ASIC2: variants seen among roughly 807,000 people sequenced by gnomAD.
ASIC2 encodes the protein acid-sensing ion channel 2.
ASIC2 carries 25 observed loss-of-function variants against 57.3 expected under a neutral mutation model. The observed-to-expected ratio is 0.44, with a 90% CI of 0.32 to 0.61. ASIC2 has a LOEUF of 0.61. Ranked by LOEUF, ASIC2 falls within the 20% of genes least tolerant of loss-of-function variation. ASIC2 has a pLI of 0.06. For missense variants in ASIC2, 641 were observed against 738.1 expected (o/e 0.87, Z 1.52); for synonymous variants, 319 against 307.5 (o/e 1.04, Z -0.39).
chr17:34,039,705 C>T, intron 1 of ASIC2: 4 of 1,612,464 alleles, frequency 2.5e-6, no homozygotes, highest in East Asian at 2.2e-5. Context: ...GGTCATTCTG[C>T]TTTTTCTTGG....
chr17:33,943,170 C>T (rs1181083595), intron 1 of ASIC2, among the ~76,000 whole-genome samples: 2 of 152,160 alleles, frequency 1.3e-5, no homozygotes, highest in Non-Finnish European at 2.9e-5. Flanking sequence ...GCCTTTTATT[C>T]TTTTATTATC....
intron 1 of ASIC2, among the ~76,000 whole-genome samples, chr17:33,606,239 A>G (rs1905230017): frequency 6.6e-6 from 1 of 152,210 alleles, no homozygotes; most frequent in Non-Finnish European, 1.5e-5. Context: ...TCGAGATGCC[A>G]GGAGGACAAT....
chr17:33,439,140 G>A (rs976289429), intron 1 of ASIC2, among the ~76,000 whole-genome samples: 3 of 152,114 alleles, frequency 2.0e-5, no homozygotes, highest in South Asian at 2.1e-4. Context: ...CATCACACCC[G>A]GCCAATGGTG....
chr17:33,521,187 C>A (rs535340336), intron 1 of ASIC2, among the ~76,000 whole-genome samples: 2 of 152,056 alleles, frequency 1.3e-5, no homozygotes, highest in East Asian at 3.9e-4. Context: ...TTGCCTCTTG[C>A]GGGAGAAGTA....
intron 1 of ASIC2, among the ~76,000 whole-genome samples, chr17:33,652,731 C>T (rs1371283197): frequency 6.6e-6 from 1 of 152,218 alleles, no homozygotes; most frequent in African/African-American, 2.4e-5. Flanking sequence ...GACCGTTCTT[C>T]CTGTCTCAGG....
chr17:33,448,547 C>T (rs1245812863), intron 1 of ASIC2, among the ~76,000 whole-genome samples: 2 of 152,130 alleles, frequency 1.3e-5, no homozygotes, highest in African/African-American at 4.8e-5. Context: ...GAGGCAGATA[C>T]TGGAGTGATG....
At chr17:33,205,822 T>C (rs1459228489) in intron 1 of ASIC2, among the ~76,000 whole-genome samples, 1 of 152,200 alleles carries the variant, frequency 6.6e-6, no homozygotes, top group Non-Finnish European at 1.5e-5. Context: ...TGGCATACGG[T>C]TCCCATGCTG....
chr17:34,077,085 G>C (rs1249279057), intron 1 of ASIC2, among the ~76,000 whole-genome samples: 1 of 152,220 alleles, frequency 6.6e-6, no homozygotes, highest in Admixed American at 6.5e-5. Context: ...ATGGTCCTGT[G>C]AGTAAGGGAG....
At chr17:33,691,954 A>C (rs984580039) in intron 1 of ASIC2, among the ~76,000 whole-genome samples, 2 of 152,238 alleles carry the variant, frequency 1.3e-5, no homozygotes, top group Non-Finnish European at 2.9e-5. Context: ...ACATGAACCC[A>C]GATGGTATAG....
intron 1 of ASIC2, among the ~76,000 whole-genome samples, chr17:33,554,968 A>T (rs189718033): frequency 1.3e-5 from 2 of 152,294 alleles, no homozygotes. Flanking sequence ...TTTTTATCCC[A>T]GTACTCTCAA....
At chr17:33,759,339 G>T (rs1174790685) in intron 1 of ASIC2, among the ~76,000 whole-genome samples, 1 of 152,180 alleles carries the variant, frequency 6.6e-6, no homozygotes, top group Non-Finnish European at 1.5e-5. Context: ...AAATGCTCAG[G>T]CTGCTTCATG....
intron 1 of ASIC2, among the ~76,000 whole-genome samples, chr17:33,550,567 A>C (rs1483493096): frequency 2.0e-5 from 3 of 152,196 alleles, no homozygotes; most frequent in African/African-American, 7.2e-5. Context: ...GCAGAGGCTG[A>C]AGAGCCAGAC....
intron 1 of ASIC2, among the ~76,000 whole-genome samples, chr17:33,156,254 A>C (rs796439620): frequency 4.6e-5 from 7 of 151,384 alleles, no homozygotes; most frequent in African/African-American, 1.7e-4. Flanking sequence ...CAGCCTCCCT[A>C]GTAGCTGGGA....
At chr17:33,550,544 T>C (rs1213229624) in intron 1 of ASIC2, among the ~76,000 whole-genome samples, 7 of 152,216 alleles carry the variant, frequency 4.6e-5, no homozygotes, top group Non-Finnish European at 1.0e-4. Flanking sequence ...CTCTATTGTG[T>C]AGTAGTTAAA....
At chr17:33,607,890 G>A (rs1905269250) in intron 1 of ASIC2, among the ~76,000 whole-genome samples, 1 of 152,088 alleles carries the variant, frequency 6.6e-6, no homozygotes, top group Non-Finnish European at 1.5e-5. Flanking sequence ...ACTTCTGGAG[G>A]GACTGAGCTA....
chr17:33,199,869 T>C (rs977049855), intron 1 of ASIC2, among the ~76,000 whole-genome samples: 3 of 152,150 alleles, frequency 2.0e-5, no homozygotes, highest in African/African-American at 7.2e-5. Context: ...AGTCTTTCAG[T>C]GGTCCTGAGG....
At chr17:33,698,577 G>A (rs1567692092) in intron 1 of ASIC2, among the ~76,000 whole-genome samples, 1 of 152,184 alleles carries the variant, frequency 6.6e-6, no homozygotes, top group Non-Finnish European at 1.5e-5. Flanking sequence ...GAGAAAGTGT[G>A]AGACATAAGT....
At chr17:33,196,083 A>T (rs1906614358) in intron 1 of ASIC2, among the ~76,000 whole-genome samples, 1 of 152,236 alleles carries the variant, frequency 6.6e-6, no homozygotes, top group Non-Finnish European at 1.5e-5. Context: ...CAATGCTTAC[A>T]TGCCAGATAC....
chr17:33,176,935 T>G (rs1445662465), intron 1 of ASIC2, among the ~76,000 whole-genome samples: 2 of 152,280 alleles, frequency 1.3e-5, no homozygotes, highest in South Asian at 2.1e-4. Flanking sequence ...AGATAGTAGA[T>G]GGATTTGCAG....
Sources: allele counts gnomAD v4.1 joint callset (sites outside exome capture counted in the v4.1 genomes callset), GRCh38; gene constraint gnomAD v4.1.1; transcripts MANE v1.5; gene names NCBI Gene and HGNC (gene_info 2026-07-23, HGNC 2026-07-21).